The following ERBB4 variants were observed in gnomAD, a reference collection of about 807,000 sequenced individuals.
ERBB4 encodes erb-b2 receptor tyrosine kinase 4.
In ERBB4, 42 loss-of-function variants were observed where a neutral mutation model predicts 158.0. The observed-to-expected ratio is 0.27, with a 90% CI of 0.21 to 0.34. ERBB4 has a LOEUF of 0.34. Among genes scored for constraint, ERBB4 ranks in the 10% least tolerant of loss-of-function variants. The probability of loss-of-function intolerance (pLI) is 1.00; values close to 1 mark genes in which losing one functional copy is unlikely to be tolerated. For synonymous variants in ERBB4, 583 were observed against 558.7 expected, an observed-to-expected ratio of 1.04 and a Z score of -0.61; for missense variants, 1,333 against 1,624.1, an observed-to-expected ratio of 0.82 and a Z score of 3.08.
At chr2:211,446,734 T>A (rs1019240261) in intron 20 of ERBB4, among the ~76,000 whole-genome samples, 40 of 152,080 alleles carry the variant, frequency 2.6e-4, no homozygotes, top group Admixed American at 2.1e-3. Context: ...TAGAATCAGA[T>A]AAAAAAGTGT....
chr2:211,509,885 G>A lies in ERBB4; in HGVS notation c.2487+52018C>T, dbSNP rs184391117. Among the ~76,000 whole-genome samples, 335 of 152,034 alleles carry A rather than the reference G, an allele frequency of 2.2e-3. 2 individuals are homozygous for A. Among genetic ancestry groups the A allele is most frequent in the African/African-American group, 7.2e-3 (299 of 41,502 alleles). On this transcript the variant is annotated intron_variant, in intron 20 of 27. Transcript: ENST00000342788. The stretch of plus-strand genomic sequence containing the variant: ...CATTGTAGAAACACAAATTAAAACC[G>A]CAGTGAAATATCATCTTACATCAGT...
intron 2 of ERBB4, among the ~76,000 whole-genome samples, chr2:211,953,073 G>A (rs1305512913): frequency 6.6e-6 from 1 of 151,988 alleles, no homozygotes; most frequent in African/African-American, 2.4e-5. Flanking sequence ...AATAATGGCT[G>A]TGGAATGGAA....
At chr2:211,546,747 T>G (rs1433219236) in intron 20 of ERBB4, among the ~76,000 whole-genome samples, 2 of 152,088 alleles carry the variant, frequency 1.3e-5, no homozygotes, top group South Asian at 4.1e-4. Flanking sequence ...TTTGTACAAA[T>G]CCATAGAGGA....
intron 20 of ERBB4, among the ~76,000 whole-genome samples, chr2:211,454,360 T>C (rs976089713): frequency 6.6e-5 from 10 of 152,216 alleles, no homozygotes; most frequent in African/African-American, 2.4e-4. Flanking sequence ...TAGGATGTTG[T>C]TGTTATATTT....
intron 1 of ERBB4, among the ~76,000 whole-genome samples, chr2:212,163,542 C>G (rs1373244738): frequency 6.6e-6 from 1 of 151,932 alleles, no homozygotes; most frequent in African/African-American, 2.4e-5. Flanking sequence ...ATTGATTAGT[C>G]TGTAATAAAC....
At chr2:212,430,634 G>A (rs1368469380) in intron 1 of ERBB4, among the ~76,000 whole-genome samples, 1 of 151,894 alleles carries the variant, frequency 6.6e-6, no homozygotes, top group Non-Finnish European at 1.5e-5. Context: ...TAGAGATGGG[G>A]TTTCACCATG....
chr2:212,513,814 AAAAT>A (rs144146912), intron 1 of ERBB4, among the ~76,000 whole-genome samples: 11 of 151,778 alleles, frequency 7.2e-5, no homozygotes, highest in East Asian at 1.9e-4. Context: ...TCCGTCTCAA[AAAAT>A]AAATAAATAA....
At chr2:212,406,816 C>T (rs1019175136) in intron 1 of ERBB4, among the ~76,000 whole-genome samples, 2 of 152,018 alleles carry the variant, frequency 1.3e-5, no homozygotes, top group African/African-American at 4.8e-5. Context: ...AAGCCCAAAC[C>T]CCTTAGTACA....
chr2:211,490,599 G>A (rs1362192786), intron 20 of ERBB4, among the ~76,000 whole-genome samples: 1 of 152,026 alleles, frequency 6.6e-6, no homozygotes, highest in Non-Finnish European at 1.5e-5. Flanking sequence ...AGAAGCTATG[G>A]AGAGGTGAAG....
At chr2:212,255,867 G>A (rs557000789) in intron 1 of ERBB4, among the ~76,000 whole-genome samples, 2 of 152,124 alleles carry the variant, frequency 1.3e-5, no homozygotes, top group South Asian at 2.1e-4. Context: ...GTTGCCCAAG[G>A]TGGAGTGCAG....
At chr2:212,350,973 G>A (rs2089226521) in intron 1 of ERBB4, among the ~76,000 whole-genome samples, 1 of 152,060 alleles carries the variant, frequency 6.6e-6, no homozygotes, top group South Asian at 2.1e-4. Context: ...GAGCAGGGAA[G>A]GGCTATTATT....
intron 1 of ERBB4, among the ~76,000 whole-genome samples, chr2:212,347,683 C>T (rs1472493153): frequency 1.3e-5 from 2 of 152,058 alleles, no homozygotes; most frequent in African/African-American, 2.4e-5. Flanking sequence ...AAAAATCAAA[C>T]GATCATTTCC....
At chr2:211,569,717 G>T (rs34467767) in intron 19 of ERBB4, among the ~76,000 whole-genome samples, 2 of 152,188 alleles carry the variant, frequency 1.3e-5, no homozygotes, top group African/African-American at 2.4e-5. Context: ...GAAGGTCTGA[G>T]AAGGCTCATG....
At chr2:212,139,696 A>C (rs772031763) in intron 1 of ERBB4, among the ~76,000 whole-genome samples, 1 of 152,012 alleles carries the variant, frequency 6.6e-6, no homozygotes, top group Non-Finnish European at 1.5e-5. Context: ...TAAGCTTCAT[A>C]TGTGCAAAAC....
chr2:212,095,122 G>C (rs115932043), intron 2 of ERBB4, among the ~76,000 whole-genome samples: 1 of 152,096 alleles, frequency 6.6e-6, no homozygotes, highest in Non-Finnish European at 1.5e-5. Context: ...TTGCTAGATT[G>C]TAAGAATTAG....
Position 212,478,672 on chromosome 2 carries a change from G to T in ERBB4, c.82+59777C>A, listed in dbSNP as rs540462857. Reference sequence around the variant, plus strand: ...TATAAATATCAGTTCCAATGGGCCTGACCATTCTGGATGCCCTATCTTTGA... The same window carrying T: ...TATAAATATCAGTTCCAATGGGCCTTACCATTCTGGATGCCCTATCTTTGA... On this transcript the variant is annotated intron_variant, in intron 1 of 27. Coordinates refer to ENST00000342788, the MANE Select transcript of ERBB4 (RefSeq NM_005235.3). Among the ~76,000 whole-genome samples, 6 of 152,084 alleles carry T rather than the reference G, an allele frequency of 3.9e-5. No homozygotes were observed. In the East Asian group the frequency reaches 9.7e-4, roughly 25 times the overall value.
At chr2:211,675,277 G>A (rs1182974289) in intron 13 of ERBB4, among the ~76,000 whole-genome samples, 1 of 152,104 alleles carries the variant, frequency 6.6e-6, no homozygotes. Context: ...TGTTAACTTA[G>A]CAAGTCCTGT....
intron 2 of ERBB4, among the ~76,000 whole-genome samples, chr2:212,073,123 G>C (rs917612505): frequency 6.6e-6 from 1 of 151,850 alleles, no homozygotes; most frequent in Non-Finnish European, 1.5e-5. Context: ...GGAAGGAAGA[G>C]AGAACACTGA....
intron 1 of ERBB4, among the ~76,000 whole-genome samples, chr2:212,238,278 T>C (rs1022959874): frequency 6.6e-6 from 1 of 152,214 alleles, no homozygotes; most frequent in Non-Finnish European, 1.5e-5. Flanking sequence ...TGGGCCGGAA[T>C]GCACCATTCC....
Sources: allele counts gnomAD v4.1 joint callset (sites outside exome capture counted in the v4.1 genomes callset), GRCh38; gene constraint gnomAD v4.1.1; transcripts MANE v1.5; gene names NCBI Gene and HGNC (gene_info 2026-07-23, HGNC 2026-07-21).